The following LGI1 variants were observed in gnomAD, a reference collection of about 807,000 sequenced individuals.
The protein encoded by LGI1 is leucine-rich glioma-inactivated protein 1.
In LGI1, 11 loss-of-function variants were observed where a neutral mutation model predicts 57.7. The observed-to-expected ratio is 0.19, with a 90% CI of 0.12 to 0.32. The LOEUF is 0.32. Among genes scored for constraint, LGI1 ranks in the 10% least tolerant of loss-of-function variants. LGI1 has a pLI of 1.00. For synonymous variants in LGI1, 222 were observed against 241.9 expected, an observed-to-expected ratio of 0.92 and a Z score of 0.76; for missense variants, 422 against 661.9, an observed-to-expected ratio of 0.64 and a Z score of 3.98.
chr10:93,795,684 C>T (rs780515000), intron 7 of LGI1, among the ~76,000 whole-genome samples: 8 of 152,194 alleles, frequency 5.3e-5, no homozygotes, highest in Admixed American at 2.6e-4. Flanking sequence ...AGAGTGCAGA[C>T]ACGGCCACAG....
intron 2 of LGI1, chr10:93,763,932 G>C (rs2059648311): frequency 6.6e-6 from 1 of 152,186 alleles, no homozygotes; most frequent in Non-Finnish European, 1.5e-5. Flanking sequence ...TGTTAGTTAA[G>C]CATTATTAAT....
chr10:93,770,860 T>C (rs2059729836), intron 2 of LGI1: 1 of 152,156 alleles, frequency 6.6e-6, no homozygotes, highest in African/African-American at 2.4e-5. Flanking sequence ...AAATACGCAA[T>C]TTTAAAAGAT....
intron 2 of LGI1, chr10:93,777,115 A>G (rs1049530898): frequency 1.7e-6 from 1 of 575,530 alleles, no homozygotes. Context: ...AGCTGCTCTG[A>G]TTGTATCTCA....
intron 2 of LGI1, chr10:93,759,359 A>G (rs2059599786): frequency 6.1e-6 from 1 of 163,792 alleles, no homozygotes; most frequent in South Asian, 1.7e-4. Context: ...AACTAGTTCC[A>G]TTACAAGGAG....
intron 2 of LGI1, chr10:93,764,586 CT>C (rs2059655349): frequency 6.6e-6 from 1 of 152,128 alleles, no homozygotes; most frequent in African/African-American, 2.4e-5. Flanking sequence ...ACAACACAGA[CT>C]TGTGGGCAGA....
chr10:93,780,625 C>G (rs142812141), intron 4 of LGI1, among the ~76,000 whole-genome samples: 2 of 152,140 alleles, frequency 1.3e-5, no homozygotes, highest in African/African-American at 4.8e-5. Context: ...CATAGATGAA[C>G]GAGCAAGTGG....
intron 4 of LGI1, among the ~76,000 whole-genome samples, chr10:93,782,561 T>A (rs1482177843): frequency 6.6e-6 from 1 of 151,830 alleles, no homozygotes; most frequent in African/African-American, 2.4e-5. Context: ...TCTGTGAAAT[T>A]TAAGTAACTA....
chr10:93,790,427 G>C (rs745809040), intron 5 of LGI1: 1 of 453,792 alleles, frequency 2.2e-6, no homozygotes, highest in Non-Finnish European at 3.9e-6. Context: ...GGCAGGGAGC[G>C]ATGATAAAGG....
intron 4 of LGI1, among the ~76,000 whole-genome samples, chr10:93,783,601 T>TC (rs1184257172): frequency 1.4e-4 from 21 of 152,206 alleles, no homozygotes; most frequent in African/African-American, 4.6e-4. Flanking sequence ...TTGAGCTTTC[T>TC]CCCCCAGTGC....
chr10:93,765,586 A>C (rs1286734827), intron 2 of LGI1: 1 of 152,212 alleles, frequency 6.6e-6, no homozygotes, highest in Non-Finnish European at 1.5e-5. Flanking sequence ...CTTGCATTCA[A>C]TTACATCTAA....
intron 2 of LGI1, chr10:93,767,245 GAGAA>G (rs1460404019): frequency 3.9e-5 from 6 of 152,052 alleles, no homozygotes; most frequent in African/African-American, 1.5e-4. Context: ...CAAAAATAGA[GAGAA>G]AGAAAAGAAA....
At chr10:93,793,516 A>G (rs2059953585) in intron 7 of LGI1, among the ~76,000 whole-genome samples, 166 bp downstream of exon 7, 1 of 152,232 alleles carries the variant, frequency 6.6e-6, no homozygotes, top group Admixed American at 6.5e-5. Context: ...CCCCACTTGT[A>G]AAACGGGAAT....
At chr10:93,789,403 CAGGCAGAAGGGGCAG>C (rs2059917438) in intron 4 of LGI1, 1 of 152,852 alleles carries the variant, frequency 6.5e-6, no homozygotes, top group Admixed American at 6.5e-5. Flanking sequence ...GAGGAGGAAG[CAGGCAGAAGGGGCAG>C]CCCAGGCAAG....
In LGI1 at chr10:93,797,371, C is replaced by T. The variant is rs541161822; in HGVS notation, c.1242C>T (p.Asn414=). Residue 414 remains asparagine, a synonymous_variant, in exon 8 of 8, where the codon AAC becomes AAT. Coordinates refer to ENST00000371418, the MANE Select transcript of LGI1 (RefSeq NM_005097.4). The surrounding 1 kb of genome is among the most constrained non-coding windows in gnomAD (Gnocchi z 6.5). The part of the protein sequence containing the change: ...SSQRPVIYQW[N]KATQLFTNQT... Reference sequence around the variant, plus strand: ...AGCGTCCTGTAATTTATCAGTGGAACAAAGCAACACAATTATTCACTAACC... The same window carrying T: ...AGCGTCCTGTAATTTATCAGTGGAATAAAGCAACACAATTATTCACTAACC... 2.5e-6 allele frequency: 4 copies of T among 1,614,174 alleles called. No individual in the cohort carries two copies. In the East Asian group the frequency reaches 8.9e-5, roughly 36 times the overall value.
chr10:93,761,114 G>A (rs1306986823), intron 2 of LGI1, among the ~76,000 whole-genome samples: 2 of 152,156 alleles, frequency 1.3e-5, no homozygotes, highest in Non-Finnish European at 2.9e-5. Flanking sequence ...AGAAGGCTCT[G>A]AATATGAACT....
intron 2 of LGI1, chr10:93,764,842 G>A (rs1345908476): frequency 1.3e-5 from 2 of 152,172 alleles, no homozygotes; most frequent in Non-Finnish European, 2.9e-5. Flanking sequence ...CATAACATCA[G>A]ATTAGTGTCT....
chr10:93,761,086 G>T (rs1045288302), intron 2 of LGI1, among the ~76,000 whole-genome samples: 3 of 152,170 alleles, frequency 2.0e-5, no homozygotes, highest in Admixed American at 6.5e-5. Context: ...CTCATGTGCG[G>T]TGTGTAGGAA....
intron 7 of LGI1, among the ~76,000 whole-genome samples, chr10:93,794,379 T>TTG (rs2059962592): frequency 6.7e-6 from 1 of 148,930 alleles, no homozygotes; most frequent in Admixed American, 6.7e-5. Context: ...TTTTTTTTTT[T>TTG]TTGAGATGGA....
At chr10:93,775,889 T>G (rs899006752) in intron 2 of LGI1, 8 of 152,220 alleles carry the variant, frequency 5.3e-5, no homozygotes, top group Non-Finnish European at 1.0e-4. Context: ...TTCTCTCCAC[T>G]GCTGATGCTG....
Sources: gnomAD v4.1 joint callset for allele counts (sites outside exome capture counted in the v4.1 genomes callset) on GRCh38, gnomAD v4.1.1 for gene constraint, Gnocchi (gnomAD v3.1) non-coding constraint, MANE v1.5 for transcripts, NCBI Gene and HGNC (gene_info 2026-07-23, HGNC 2026-07-21) for gene names.